Variants in PRRX1 observed in about 807,000 individuals in gnomAD.
PRRX1 encodes the protein paired related homeobox 1.
Under a neutral mutation model 24.0 loss-of-function variants are expected in PRRX1, and 8 were observed. The ratio of observed to expected loss-of-function variants is 0.33; its 90% CI spans 0.20 to 0.60. PRRX1 has a LOEUF of 0.60. Ranked by LOEUF, PRRX1 falls within the 20% of genes least tolerant of loss-of-function variation. PRRX1 has a pLI of 0.82. For synonymous variants in PRRX1, 160 were observed against 131.7 expected (o/e 1.22, Z -1.47); for missense variants, 281 against 322.4 (o/e 0.87, Z 0.98).
At chr1:170,674,293 A>G (rs1458829770) in intron 1 of PRRX1, among the ~76,000 whole-genome samples, 3 of 152,130 alleles carry the variant, frequency 2.0e-5, no homozygotes, top group Non-Finnish European at 4.4e-5. Context: ...CTAGTATGCT[A>G]GCTAGGCTAG....
intron 1 of PRRX1, among the ~76,000 whole-genome samples, chr1:170,680,854 G>T (rs1653481626): frequency 6.6e-6 from 1 of 152,168 alleles, no homozygotes; most frequent in South Asian, 2.1e-4. Context: ...TGCTTCCATA[G>T]AAAGACAACT....
chr1:170,692,672 A>G (rs1654031073), intron 1 of PRRX1, among the ~76,000 whole-genome samples: 1 of 149,874 alleles, frequency 6.7e-6, no homozygotes, highest in Non-Finnish European at 1.5e-5. Flanking sequence ...GAGAATCTTC[A>G]TGGAAATAAG....
At chr1:170,669,898 A>C (rs929760333) in intron 1 of PRRX1, among the ~76,000 whole-genome samples, 4 of 152,200 alleles carry the variant, frequency 2.6e-5, no homozygotes, top group African/African-American at 9.6e-5. Context: ...GTGTTTGTAG[A>C]GAAGGAGATA....
At chr1:170,716,994 A>C (rs148975436) in intron 1 of PRRX1, among the ~76,000 whole-genome samples, 206 of 152,296 alleles carry the variant, frequency 1.4e-3, no homozygotes, top group Admixed American at 2.4e-3. Context: ...AAGACAGACC[A>C]TCCCCAGGAC....
intron 1 of PRRX1, among the ~76,000 whole-genome samples, chr1:170,676,078 A>G (rs1296270221): frequency 6.6e-6 from 1 of 152,196 alleles, no homozygotes; most frequent in African/African-American, 2.4e-5. Flanking sequence ...GGGGAAGACC[A>G]CAGGCTGAAT....
rs1280278206 is a variant in PRRX1, at chr1:170,739,145, A to G, written c.*2959A>G. 1 of 210,500 alleles carries G rather than the reference A, an allele frequency of 4.8e-6. No homozygotes were observed. Among genetic ancestry groups the G allele is most frequent in the Admixed American group, 5.9e-5 (1 of 16,988 alleles). 13.0% of individuals were successfully genotyped at this position (210,500 alleles called of 1,614,324 possible). ...CTGTTCCTCACCATCATGATACCAGATACAGGTGAATACATAGGAACTATC... is the reference window on the plus strand; with the variant it reads ...CTGTTCCTCACCATCATGATACCAGGTACAGGTGAATACATAGGAACTATC... On this transcript the variant is annotated 3_prime_UTR_variant, in exon 4 of 4. Coordinates refer to ENST00000239461, the MANE Select transcript of PRRX1 (RefSeq NM_022716.4).
intron 1 of PRRX1, among the ~76,000 whole-genome samples, chr1:170,666,584 C>T (rs1326503762): frequency 6.6e-6 from 1 of 152,068 alleles, no homozygotes; most frequent in Non-Finnish European, 1.5e-5. Context: ...GAAAACAGGA[C>T]CACGAAGAAA....
chr1:170,680,540 A>T (rs1383389935), intron 1 of PRRX1, among the ~76,000 whole-genome samples: 1 of 152,212 alleles, frequency 6.6e-6, no homozygotes, highest in African/African-American at 2.4e-5. Flanking sequence ...ATTCACAGTT[A>T]GCTCTTGTTT....
intron 1 of PRRX1, among the ~76,000 whole-genome samples, chr1:170,671,381 G>T (rs1487823120): frequency 9.2e-5 from 14 of 152,348 alleles, no homozygotes; most frequent in African/African-American, 2.6e-4. Context: ...ATAGTGGTGT[G>T]GTCTCTGCCT....
intron 1 of PRRX1, among the ~76,000 whole-genome samples, chr1:170,710,819 G>A (rs372654771): frequency 6.6e-6 from 1 of 152,314 alleles, no homozygotes; most frequent in African/African-American, 2.4e-5. Context: ...AGGCCAGGAA[G>A]CAGGCCCTCA....
chr1:170,692,258 C>G (rs183446050), intron 1 of PRRX1, among the ~76,000 whole-genome samples: 1 of 151,980 alleles, frequency 6.6e-6, no homozygotes, highest in Non-Finnish European at 1.5e-5. Flanking sequence ...TTTCTAATAA[C>G]TGACATAAAT....
At chr1:170,715,693 G>T (rs753851932) in intron 1 of PRRX1, among the ~76,000 whole-genome samples, 1 of 152,166 alleles carries the variant, frequency 6.6e-6, no homozygotes, top group Non-Finnish European at 1.5e-5. Context: ...AAGGACTTAT[G>T]GATATCATTG....
chr1:170,664,206 G>C lies in PRRX1; in HGVS notation c.-13G>C, dbSNP rs79715821. 820 of 1,606,630 alleles carry C rather than the reference G, an allele frequency of 5.1e-4. 6 individuals carry two copies. The African/African-American group carries it at 9.4e-3, about 18-fold the overall frequency. Reference sequence around the variant, plus strand: ...CGGGAAGAGGGGGGTGGGTGGGATCGGTGGGGGAGACCATGACCTCCAGCT... The same window carrying C: ...CGGGAAGAGGGGGGTGGGTGGGATCCGTGGGGGAGACCATGACCTCCAGCT... On this transcript the variant is annotated 5_prime_UTR_variant, in exon 1 of 4. Transcript: ENST00000239461.
intron 2 of PRRX1, among the ~76,000 whole-genome samples, chr1:170,720,203 G>T (rs1192116206): frequency 6.6e-6 from 1 of 152,128 alleles, no homozygotes; most frequent in African/African-American, 2.4e-5. Context: ...GCTTGAGCCT[G>T]GGGGGTGGAG....
intron 2 of PRRX1, among the ~76,000 whole-genome samples, chr1:170,721,924 G>T (rs1655097933): frequency 6.6e-6 from 1 of 151,850 alleles, no homozygotes; most frequent in African/African-American, 2.4e-5. Context: ...CTTTTGCTAT[G>T]GTGATCTAAA....
chr1:170,701,361 A>G (rs2101904591), intron 1 of PRRX1, among the ~76,000 whole-genome samples: 1 of 152,332 alleles, frequency 6.6e-6, no homozygotes, highest in African/African-American at 2.4e-5. Context: ...AGTAGTAAGC[A>G]TATATTACAT....
At position 170,674,660 on chromosome 1, in the gene PRRX1, A is replaced by AT. The variant is rs535200553; in HGVS notation, c.241+10214dup. Among the ~76,000 whole-genome samples the AT allele has an allele frequency of 3.5e-3, 511 of 145,786 alleles. 1 individual carries two copies. Among genetic ancestry groups the AT allele is most frequent in the South Asian group, 0.019 (86 of 4,564 alleles). On this transcript the variant is annotated intron_variant, in intron 1 of 3. Transcript: ENST00000239461. ...TGTACAACACCGCTGCAGTAAGCAA[A>AT]TTTTTTTTTTTTTGTACGGAGTACT... is the stretch of plus-strand genomic sequence containing the variant.
Position 170,737,377 on chromosome 1 carries a change from A to G in PRRX1, c.*1191A>G, listed in dbSNP as rs1388959586. ...GTTTGAGAACAGGTCCCATTTTCAC[A>G]TTAGGGCTTTAAATGAATTAGAAAC... On this transcript the variant is annotated 3_prime_UTR_variant, in exon 4 of 4. Transcript: ENST00000239461. 2 of 192,542 alleles carry G rather than the reference A, an allele frequency of 1.0e-5. No individual in the cohort carries two copies. The highest frequency in any genetic ancestry group is 2.2e-5 in the Non-Finnish European group (2 of 92,210). The allele number at this position is 192,542 out of a possible 1,614,324, so 11.9% of individuals were successfully genotyped here.
intron 1 of PRRX1, among the ~76,000 whole-genome samples, chr1:170,670,088 T>C (rs1275076536): frequency 6.6e-6 from 1 of 152,148 alleles, no homozygotes; most frequent in Non-Finnish European, 1.5e-5. Flanking sequence ...CAGGCAATGT[T>C]TGGATAAGGG....
Sources: gnomAD v4.1 joint callset for allele counts (sites outside exome capture counted in the v4.1 genomes callset) on GRCh38, gnomAD v4.1.1 for gene constraint, MANE v1.5 for transcripts, NCBI Gene and HGNC (gene_info 2026-07-23, HGNC 2026-07-21) for gene names.